SLC4A9: variants seen among roughly 807,000 people sequenced by gnomAD.
SLC4A9 encodes the protein anion exchange protein 4.
Under a neutral mutation model 103.2 loss-of-function variants are expected in SLC4A9, and 102 were observed. The observed-to-expected ratio is 0.99, with a 90% confidence interval of 0.84 to 1.17. The LOEUF (loss-of-function observed/expected upper bound fraction) is 1.17. Among genes scored for constraint, SLC4A9 ranks in the 50% most tolerant of loss-of-function variants. The probability of loss-of-function intolerance (pLI) is 0.00; values close to 1 mark genes in which losing one functional copy is unlikely to be tolerated. For synonymous variants in SLC4A9, 453 were observed against 483.6 expected (o/e 0.94, Z 0.83); for missense variants, 1,091 against 1,193.7 (o/e 0.91, Z 1.27).
chr5:140,363,927 A>G lies in SLC4A9; in HGVS notation c.1254+25A>G, dbSNP rs1181618143. On this transcript the variant is annotated intron_variant, in intron 9 of 21. Coordinates refer to ENST00000506757, the MANE Select transcript of SLC4A9 (RefSeq NM_031467.3). The surrounding 1 kb of genome is among the most constrained non-coding windows in gnomAD (Gnocchi z 4.5). The stretch of plus-strand genomic sequence containing the variant: ...GGTGGGTAGGGCCCAGGGGGCAGGC[A>G]CAAGCGTTGGTGTCCCCTAGTCCAT... 2 of 1,610,332 alleles carry G rather than the reference A, an allele frequency of 1.2e-6. No individual in the cohort carries two copies. Among genetic ancestry groups the G allele is most frequent in the Non-Finnish European group, 1.7e-6 (2 of 1,178,204 alleles).
Position 140,371,502 on chromosome 5 carries a change from C to A in SLC4A9, c.2548C>A (p.Leu850Met). Residue 850 changes from leucine to methionine, a missense_variant, in exon 19 of 22, where the codon CTG becomes ATG. By Grantham distance (15) the Leu-to-Met change is conservative. Transcript: ENST00000506757. ...LLMPAKHQPD[L>M]LLLRHVPLTR... ...GATGCCAGCAAAACACCAGCCAGAC[C>A]TGCTACTCTTGCGGCATGTGCCTCT... 1 of 1,614,046 alleles carries A rather than the reference C, an allele frequency of 6.2e-7. No homozygotes were observed. The highest frequency in any genetic ancestry group is 8.5e-7 in the Non-Finnish European group (1 of 1,179,894).
At position 140,364,148 on chromosome 5, in the gene SLC4A9, C is replaced by G. The variant is rs1170262161; in HGVS notation, c.1349C>G (p.Pro450Arg). 1 of 1,585,440 alleles carries G rather than the reference C, an allele frequency of 6.3e-7. No individual in the cohort carries two copies. The highest frequency in any genetic ancestry group is 2.2e-5 in the East Asian group (1 of 44,574). ...QPLTILSSTG[P>R]VLVFERLLFS... Reference sequence around the variant, plus strand: ...CTCACCATTCTGAGCAGCACGGGGCCAGTGCTGGTCTTTGAGCGCCTGCTC... The same window carrying G: ...CTCACCATTCTGAGCAGCACGGGGCGAGTGCTGGTCTTTGAGCGCCTGCTC... Residue 450 changes from proline to arginine, a missense_variant, in exon 10 of 22, where the codon CCA becomes CGA. Pro to Arg is a moderately radical substitution (Grantham distance 103). Coordinates refer to ENST00000506757, the MANE Select transcript of SLC4A9 (RefSeq NM_031467.3).
At chr5:140,361,126 G>T (rs1419901350) in intron 2 of SLC4A9, 128 bp from the exon 3 acceptor site, 14 of 1,183,608 alleles carry the variant, frequency 1.2e-5, no homozygotes, top group Non-Finnish European at 1.7e-5. Flanking sequence ...GCAGGGTGGA[G>T]GAGCAAGTTC....
Position 140,360,265 on chromosome 5 carries a change from G to T in SLC4A9, c.29G>T (p.Gly10Val). Reference protein sequence around the residue: MEMKLPGQEGFEASSAPRNI... With the variant: MEMKLPGQEVFEASSAPRNI... ...GAAATGAAGCTGCCAGGCCAGGAAG[G>T]GTTTGAAGCCTCCAGTGCTCCTAGA... The change falls in exon 1 of 22, where the codon GGG (glycine) becomes GTG (valine). Residue 10 changes from glycine (G) to valine (V), a missense_variant. By Grantham distance (109) the Gly-to-Val change is moderately radical. Transcript: ENST00000506757. 1 of 1,612,018 alleles carries T rather than the reference G, an allele frequency of 6.2e-7. No individual in the cohort carries two copies. Among genetic ancestry groups the T allele is most frequent in the Non-Finnish European group, 8.5e-7 (1 of 1,179,062 alleles).
At chr5:140,362,253 A>C in intron 5 of SLC4A9, 79 bp downstream of exon 5, 5 of 1,412,148 alleles carry the variant, frequency 3.5e-6, no homozygotes, top group African/African-American at 1.4e-5. Context: ...GGAGGGTCTC[A>C]GTCTGATTCT....
Position 140,367,757 on chromosome 5 carries a change from C to A in SLC4A9, c.2213C>A (p.Ala738Asp), listed in dbSNP as rs1296418859. 2 of 1,614,020 alleles carry A rather than the reference C, an allele frequency of 1.2e-6. No individual in the cohort carries two copies. The highest frequency in any genetic ancestry group is 2.2e-5 in the South Asian group (2 of 91,084). ...AGFHLDLFCV[A>D]VLMLLTSALG... ...TTCCACCTGGACCTCTTCTGTGTGG[C>A]TGTGCTGATGCTACTCACATCAGCG... Residue 738 changes from alanine (A) to aspartate (D), a missense_variant, in exon 16 of 22, where the codon GCT (alanine) becomes GAT (aspartate). Coordinates refer to ENST00000506757, the MANE Select transcript of SLC4A9 (RefSeq NM_031467.3).
rs1002149515 is a variant in SLC4A9 at position 140,363,480 on chromosome 5, C to G, written c.1004C>G (p.Pro335Arg). The part of the protein sequence containing the change: ...QQREIRGPAV[P>R]RLTSAEDRHR... Reference sequence around the variant, plus strand: ...CGGGAGATCAGAGGTCCCGCCGTCCCGCGCCTGACCTCGGCTGAGGACAGG... The same window carrying G: ...CGGGAGATCAGAGGTCCCGCCGTCCGGCGCCTGACCTCGGCTGAGGACAGG... The change falls in exon 8 of 22, where the codon CCG becomes CGG. Residue 335 changes from proline (P) to arginine (R), a missense_variant. Transcript: ENST00000506757. This position sits in a 1 kb window ranked among gnomAD's most constrained non-coding sequence, Gnocchi z 4.5. 3.2e-6 allele frequency: 5 copies of G among 1,551,364 alleles called. No individual in the cohort carries two copies. Among genetic ancestry groups the G allele is most frequent in the South Asian group, 1.2e-5 (1 of 84,094 alleles).
At chr5:140,373,974 A>T (rs1304626405) in intron 21 of SLC4A9, among the ~76,000 whole-genome samples, 2 of 151,852 alleles carry the variant, frequency 1.3e-5, no homozygotes, top group Admixed American at 1.3e-4. Context: ...TGGGTGGATC[A>T]CTTGAGTTCA....
chr5:140,366,581 T>C (rs1483705126), intron 14 of SLC4A9, among the ~76,000 whole-genome samples: 1 of 152,188 alleles, frequency 6.6e-6, no homozygotes, highest in Non-Finnish European at 1.5e-5. Context: ...TTAATGCACA[T>C]TTCTAAGCCT....
In SLC4A9 at chr5:140,365,570, G is replaced by T. The variant is rs750642032; in HGVS notation, c.1702G>T (p.Val568Leu). 1.2e-6 allele frequency: 2 copies of T among 1,611,334 alleles called. No individual in the cohort carries two copies. The highest frequency in any genetic ancestry group is 2.7e-5 in the African/African-American group (2 of 74,886). ...AAGGCCAAAAGACAGAGACGACATT[G>T]TAAGCATGGTGAGGGACTGCTCCTG... ...RTRPKDRDDI[V>L]SMDLGLINAS... is the part of the protein sequence containing the mutation. The change falls in exon 12 of 22, where the codon GTA becomes TTA. Residue 568 changes from valine to leucine, a missense_variant. Coordinates refer to ENST00000506757, the MANE Select transcript of SLC4A9 (RefSeq NM_031467.3).
In SLC4A9 at chr5:140,360,437, C is replaced by T; in HGVS notation, c.201C>T (p.Pro67=). The part of the protein sequence containing the change: ...FIQLNELLGW[P]QALEWRETGR... ...AGCTGAATGAGCTGCTGGGCTGGCC[C>T]CAGGCGCTGGAGTGGAGAGAGACAG... is the stretch of plus-strand genomic sequence containing the variant. The change falls in exon 1 of 22, where the codon CCC becomes CCT. Residue 67 remains proline (P), a synonymous_variant. Transcript: ENST00000506757. The T allele has an allele frequency of 6.3e-7, 1 of 1,587,650 alleles. No individual in the cohort carries two copies. Among genetic ancestry groups the T allele is most frequent in the Non-Finnish European group, 8.6e-7 (1 of 1,166,750 alleles).
chr5:140,367,661 G>A, intron 15 of SLC4A9, 59 bp from the exon 16 acceptor site: 1 of 1,607,440 alleles, frequency 6.2e-7, no homozygotes, highest in Non-Finnish European at 8.5e-7. Flanking sequence ...CTACCTCAGA[G>A]GACAGAGGGC....
At chr5:140,365,729 G>A in intron 12 of SLC4A9, 105 bp from the exon 13 acceptor site, 1 of 1,432,384 alleles carries the variant, frequency 7.0e-7, no homozygotes, top group Non-Finnish European at 9.6e-7. Flanking sequence ...TCCCATCCTG[G>A]GCCCCTGGTG....
intron 21 of SLC4A9, 63 bp downstream of exon 21, chr5:140,372,906 A>G: frequency 1.0e-6 from 1 of 988,004 alleles, no homozygotes; most frequent in Non-Finnish European, 1.5e-6. Context: ...AGACCTTGGA[A>G]CTCTCCAGTG....
intron 17 of SLC4A9, 176 bp from the exon 18 acceptor site, chr5:140,370,919 T>G: frequency 1.7e-6 from 1 of 584,536 alleles, no homozygotes; most frequent in South Asian, 2.2e-5. Flanking sequence ...AACATTTACT[T>G]CATCTAATTG....
At chr5:140,361,898 G>A in intron 4 of SLC4A9, 35 bp downstream of exon 4, 2 of 1,613,694 alleles carry the variant, frequency 1.2e-6, no homozygotes, top group Non-Finnish European at 1.7e-6. Context: ...CTTTCCAGTG[G>A]CTGGGAGAGG....
chr5:140,360,364 C>G lies in SLC4A9; in HGVS notation c.128C>G (p.Thr43Arg), dbSNP rs1463487686. 1 of 1,610,206 alleles carries G rather than the reference C, an allele frequency of 6.2e-7. No individual in the cohort carries two copies. The highest frequency in any genetic ancestry group is 2.2e-5 in the East Asian group (1 of 44,808). ...CCCAGCCCTGATGGCCCCTCAGACACAGAGAGCAAGGAACTGGGAGTACCC... is the reference window on the plus strand; with the variant it reads ...CCCAGCCCTGATGGCCCCTCAGACAGAGAGAGCAAGGAACTGGGAGTACCC... ...TGPSPDGPSD[T>R]ESKELGVPKD... Residue 43 changes from threonine (T) to arginine (R), a missense_variant, in exon 1 of 22, where the codon ACA becomes AGA. Transcript: ENST00000506757.
At chr5:140,374,524 T>G (rs369689716) in intron 21 of SLC4A9, among the ~76,000 whole-genome samples, 2 of 117,386 alleles carry the variant, frequency 1.7e-5, no homozygotes, top group East Asian at 5.3e-4. Context: ...CACTCCAGCC[T>G]GGGCGACAAG....
chr5:140,368,041 T>C (rs1320415535), intron 16 of SLC4A9, 143 bp downstream of exon 16: 1 of 836,624 alleles, frequency 1.2e-6, no homozygotes, highest in Non-Finnish European at 1.9e-6. Flanking sequence ...AGTTCTGGGC[T>C]CTGAGATGGG....
Sources: allele counts gnomAD v4.1 joint callset (sites outside exome capture counted in the v4.1 genomes callset), GRCh38; gene constraint gnomAD v4.1.1; non-coding constraint Gnocchi (gnomAD v3.1); transcripts MANE v1.5; gene names NCBI Gene and HGNC (gene_info 2026-07-23, HGNC 2026-07-21).